The following BMPR2 variants were observed in gnomAD, a reference collection of about 807,000 sequenced individuals.
BMPR2 encodes bone morphogenetic protein receptor type 2.
A neutral mutation model predicts 100.8 loss-of-function variants in BMPR2; 29 were observed. That is an observed-to-expected ratio of 0.29 (90% confidence interval 0.21 to 0.39). BMPR2 has a LOEUF of 0.39. Ranked by LOEUF, BMPR2 falls within the 10% of genes least tolerant of loss-of-function variation. BMPR2 has a pLI of 1.00. For missense variants in BMPR2, 1,011 were observed against 1,274.5 expected (o/e 0.79, Z 3.15); for synonymous variants, 382 against 442.3 (o/e 0.86, Z 1.71).
intron 1 of BMPR2, among the ~76,000 whole-genome samples, chr2:202,388,129 G>A (rs576301076): frequency 3.8e-4 from 58 of 152,148 alleles, no homozygotes; most frequent in Admixed American, 5.9e-4. Flanking sequence ...TGTCACGGTG[G>A]CTCATGTCTG....
intron 10 of BMPR2, among the ~76,000 whole-genome samples, chr2:202,548,154 T>A (rs1574502957): frequency 6.6e-6 from 1 of 152,166 alleles, no homozygotes; most frequent in South Asian, 2.1e-4. Context: ...AAATATATAG[T>A]ACATTTCAGA....
intron 10 of BMPR2, among the ~76,000 whole-genome samples, chr2:202,552,393 A>G (rs1688495178): frequency 6.6e-6 from 1 of 152,262 alleles, no homozygotes; most frequent in African/African-American, 2.4e-5. Flanking sequence ...TTGAAGCAGA[A>G]TTAGTGGCTA....
intron 3 of BMPR2, among the ~76,000 whole-genome samples, chr2:202,471,899 G>A (rs533472328): frequency 4.3e-4 from 64 of 149,834 alleles, no homozygotes; most frequent in Non-Finnish European, 6.7e-4. Flanking sequence ...CTGTGTATTG[G>A]TTCAAAAAAA....
chr2:202,450,691 CAAAAA>C (rs761806972), intron 1 of BMPR2, among the ~76,000 whole-genome samples: 1 of 41,230 alleles, frequency 2.4e-5, no homozygotes, highest in Non-Finnish European at 5.5e-5. Flanking sequence ...AACTCCATCT[CAAAAA>C]AAAAAAAAAA....
rs761920002 is a variant in BMPR2 at position 202,518,844 on chromosome 2, G to A, written c.644G>A (p.Gly215Glu). 8 of 1,614,162 alleles carry A rather than the reference G, an allele frequency of 5.0e-6. No homozygotes were observed. Among genetic ancestry groups the A allele is most frequent in the Non-Finnish European group, 6.8e-6 (8 of 1,180,032 alleles). Reference sequence around the variant, plus strand: ...CAGCTGATTGGCCGAGGTCGATATGGAGCAGTATATAAAGGCTCCTTGGAT... The same window carrying A: ...CAGCTGATTGGCCGAGGTCGATATGAAGCAGTATATAAAGGCTCCTTGGAT... ...LLELIGRGRY[G>E]AVYKGSLDER... The change falls in exon 6 of 13, where the codon GGA becomes GAA. Residue 215 changes from glycine to glutamate, a missense_variant. Gly to Glu is a moderately conservative substitution (Grantham distance 98). Coordinates refer to ENST00000374580, the MANE Select transcript of BMPR2 (RefSeq NM_001204.7).
At chr2:202,462,305 C>T (rs1692239063) in intron 1 of BMPR2, among the ~76,000 whole-genome samples, 1 of 151,044 alleles carries the variant, frequency 6.6e-6, no homozygotes, top group African/African-American at 2.4e-5. Flanking sequence ...TCTCAGCTCA[C>T]TGCCTCCCGG....
rs575397019 is a variant in BMPR2 at position 202,446,355 on chromosome 2, G to A, written c.77-18454G>A. Among the ~76,000 whole-genome samples, 37 of 150,064 alleles carry A rather than the reference G, an allele frequency of 2.5e-4. 4 individuals carry two copies. The highest frequency in any genetic ancestry group is 7.8e-4 in the African/African-American group (31 of 39,672). ...AGAAGTTGTGGTGAGCCAAGATTGCGCCATTGCACTCCAGCTGGGGCAACA... is the reference window on the plus strand; with the variant it reads ...AGAAGTTGTGGTGAGCCAAGATTGCACCATTGCACTCCAGCTGGGGCAACA... On this transcript the variant is annotated intron_variant, in intron 1 of 12. Coordinates refer to ENST00000374580, the MANE Select transcript of BMPR2 (RefSeq NM_001204.7).
intron 3 of BMPR2, among the ~76,000 whole-genome samples, chr2:202,491,755 A>G (rs1692907112): frequency 6.6e-6 from 1 of 152,180 alleles, no homozygotes; most frequent in South Asian, 2.1e-4. Context: ...TACTGCCTCT[A>G]GTGCCAAAAG....
At chr2:202,423,202 C>G (rs1691305661) in intron 1 of BMPR2, among the ~76,000 whole-genome samples, 2 of 151,940 alleles carry the variant, frequency 1.3e-5, no homozygotes, top group Admixed American at 1.3e-4. Context: ...AGGTGAAATA[C>G]TAAAAAATAA....
chr2:202,502,426 A>G (rs1006578086), intron 3 of BMPR2, among the ~76,000 whole-genome samples: 1 of 152,000 alleles, frequency 6.6e-6, no homozygotes, highest in Non-Finnish European at 1.5e-5. Flanking sequence ...AGACACAGAA[A>G]GAGAGTTAAA....
intron 6 of BMPR2, among the ~76,000 whole-genome samples, chr2:202,519,394 A>G (rs1300874285): frequency 1.3e-5 from 2 of 152,324 alleles, no homozygotes; most frequent in East Asian, 3.9e-4. Context: ...TGACATTTAT[A>G]TTAGTTGTTA....
At chr2:202,426,809 G>C (rs6735776) in intron 1 of BMPR2, among the ~76,000 whole-genome samples, 3,581 of 152,242 alleles carry the variant, frequency 0.024, 62 homozygotes, top group Middle Eastern at 0.037. Context: ...CTGAGCGTGG[G>C]AGTTTGAGGC....
At chr2:202,462,409 CG>C (rs1692240619) in intron 1 of BMPR2, among the ~76,000 whole-genome samples, 1 of 151,906 alleles carries the variant, frequency 6.6e-6, no homozygotes, top group Admixed American at 6.6e-5. Context: ...CTAGTGGAGA[CG>C]GGGTTTCACC....
Position 202,464,790 on chromosome 2 carries a change from T to G in BMPR2, c.77-19T>G, listed in dbSNP as rs1423019560. 10 of 1,603,390 alleles carry G rather than the reference T, an allele frequency of 6.2e-6. No homozygotes were observed. The highest frequency in any genetic ancestry group is 1.3e-5 in the African/African-American group (1 of 74,462). ...AAAACATTAAATAATTTGTCATTCC[T>G]TTATTTCCTTTATTTTAGCTTCGCA... On this transcript the variant is annotated intron_variant, in intron 1 of 12. Coordinates refer to ENST00000374580, the MANE Select transcript of BMPR2 (RefSeq NM_001204.7).
chr2:202,539,709 A>G (rs1411885761), intron 9 of BMPR2, among the ~76,000 whole-genome samples: 3 of 152,120 alleles, frequency 2.0e-5, no homozygotes. Flanking sequence ...AAGGAAGAAA[A>G]AAAGAAGAGA....
At chr2:202,472,734 T>C (rs1411120764) in intron 3 of BMPR2, among the ~76,000 whole-genome samples, 1 of 152,212 alleles carries the variant, frequency 6.6e-6, no homozygotes, top group African/African-American at 2.4e-5. Flanking sequence ...CATTTCAGAT[T>C]GTTACCTAGG....
intron 1 of BMPR2, among the ~76,000 whole-genome samples, chr2:202,413,768 G>A (rs1220892908): frequency 6.6e-6 from 1 of 151,738 alleles, no homozygotes; most frequent in African/African-American, 2.4e-5. Context: ...GTGTTCAAAT[G>A]ATCCTCCCAC....
chr2:202,401,640 G>A (rs952203128), intron 1 of BMPR2, among the ~76,000 whole-genome samples: 1 of 152,120 alleles, frequency 6.6e-6, no homozygotes, highest in African/African-American at 2.4e-5. Flanking sequence ...ATTTTAAGTT[G>A]ATATAAATGA....
chr2:202,498,981 C>T (rs1402860078), intron 3 of BMPR2, among the ~76,000 whole-genome samples: 1 of 152,166 alleles, frequency 6.6e-6, no homozygotes, highest in African/African-American at 2.4e-5. Flanking sequence ...CTCCCTATAG[C>T]TCCCCTTCCT....
Sources: gnomAD v4.1 joint callset for allele counts (sites outside exome capture counted in the v4.1 genomes callset) on GRCh38, gnomAD v4.1.1 for gene constraint, MANE v1.5 for transcripts, NCBI Gene and HGNC (gene_info 2026-07-23, HGNC 2026-07-21) for gene names.